LY86: variants seen among roughly 807,000 people sequenced by gnomAD.
The protein encoded by LY86 is lymphocyte antigen 86, also known as MD-1, RP105-associated.
LY86 carries 20 observed loss-of-function variants against 17.3 expected under a neutral mutation model. The observed-to-expected ratio is 1.15, with a 90% CI of 0.81 to 1.68. The LOEUF (loss-of-function observed/expected upper bound fraction) is 1.68. LY86 is among the 40% of genes most tolerant of loss of function. The pLI, the probability that LY86 is intolerant of heterozygous loss-of-function variation, is 0.00. For missense variants in LY86, 200 were observed against 191.9 expected, an observed-to-expected ratio of 1.04 and a Z score of -0.25; for synonymous variants, 74 against 70.6, an observed-to-expected ratio of 1.05 and a Z score of -0.24.
At chr6:6,645,950 A>AGGG (rs1762100989) in intron 3 of LY86, among the ~76,000 whole-genome samples, 1 of 152,124 alleles carries the variant, frequency 6.6e-6, no homozygotes. Flanking sequence ...CAGATTGGGA[A>AGGG]GGGGTCTCTT....
At chr6:6,648,103 C>A (rs10458190) in intron 3 of LY86, among the ~76,000 whole-genome samples, 2 of 151,518 alleles carry the variant, frequency 1.3e-5, no homozygotes, top group Non-Finnish European at 2.9e-5. Context: ...ACTCTCTATA[C>A]CCACTCATCA....
intron 1 of LY86, among the ~76,000 whole-genome samples, chr6:6,608,082 G>A (rs538129214): frequency 6.6e-6 from 1 of 152,252 alleles, no homozygotes; most frequent in South Asian, 2.1e-4. Context: ...TGAAACATTG[G>A]AAACGTTCCC....
rs2113117507 is a variant in LY86, at chr6:6,612,107, A to AT, written c.137-12817dup. 2.0e-5 allele frequency among the ~76,000 whole-genome samples: 3 copies of AT among 152,336 alleles called. No individual in the cohort carries two copies. The East Asian group carries it at 5.8e-4, about 29-fold the overall frequency. On this transcript the variant is annotated intron_variant, in intron 1 of 4. Transcript: ENST00000230568. The stretch of plus-strand genomic sequence containing the variant: ...TTTGAGAAGATCCAAAAGCAAGCTG[A>AT]TTATTTCCAAAAATCAGCTCAACAA...
intron 1 of LY86, among the ~76,000 whole-genome samples, chr6:6,605,660 T>C (rs893076439): frequency 6.6e-6 from 1 of 152,254 alleles, no homozygotes; most frequent in East Asian, 1.9e-4. Context: ...CTACTGTGTC[T>C]GGAATTGATG....
At chr6:6,637,408 A>G (rs1292849968) in intron 3 of LY86, among the ~76,000 whole-genome samples, 2 of 152,170 alleles carry the variant, frequency 1.3e-5, no homozygotes, top group African/African-American at 4.8e-5. Flanking sequence ...CTGCAACTGT[A>G]CTTTGACATC....
intron 1 of LY86, among the ~76,000 whole-genome samples, chr6:6,609,396 A>G (rs532769142): frequency 6.6e-6 from 1 of 152,368 alleles, no homozygotes; most frequent in East Asian, 1.9e-4. Flanking sequence ...CCCACTGGGT[A>G]TCCACTCTGC....
rs371304970 is a variant in LY86 at position 6,631,774 on chromosome 6, T to G, written c.352+5353T>G. Among the ~76,000 whole-genome samples the G allele has an allele frequency of 4.6e-5, 7 of 152,364 alleles. No homozygotes were observed. In the East Asian group the frequency reaches 5.8e-4, roughly 13 times the overall value. On this transcript the variant is annotated intron_variant, in intron 3 of 4. Transcript: ENST00000230568. ...TGTGGCAATTGCTCAACCCTTCCCT[T>G]GCAGAGATAATATGAAAATGAGTGG... is the stretch of plus-strand genomic sequence containing the variant.
intron 3 of LY86, among the ~76,000 whole-genome samples, chr6:6,630,361 C>G (rs78624149): frequency 6.6e-6 from 1 of 152,314 alleles, no homozygotes; most frequent in South Asian, 2.1e-4. Flanking sequence ...ACCCACAGCC[C>G]CATTTACTCA....
chr6:6,608,045 A>T (rs1581238035), intron 1 of LY86, among the ~76,000 whole-genome samples: 1 of 152,376 alleles, frequency 6.6e-6, no homozygotes, highest in African/African-American at 2.4e-5. Flanking sequence ...TAAAATATAG[A>T]TCTACAGTGA....
At chr6:6,644,922 A>G (rs992139117) in intron 3 of LY86, among the ~76,000 whole-genome samples, 3 of 152,188 alleles carry the variant, frequency 2.0e-5, no homozygotes, top group African/African-American at 7.2e-5. Flanking sequence ...AGACAATTTC[A>G]TGAGTTACTT....
At chr6:6,605,222 TAACA>T (rs540340385) in intron 1 of LY86, among the ~76,000 whole-genome samples, 109 of 152,348 alleles carry the variant, frequency 7.2e-4, no homozygotes, top group Middle Eastern at 3.4e-3. Context: ...TATTTCTGCA[TAACA>T]AATACCCTAA....
chr6:6,608,938 T>G (rs1310636339), intron 1 of LY86, among the ~76,000 whole-genome samples: 4 of 152,234 alleles, frequency 2.6e-5, no homozygotes, highest in African/African-American at 9.6e-5. Context: ...ATATAATTCT[T>G]TTTATATCTT....
chr6:6,651,191 A>T (rs1561794226), intron 4 of LY86, among the ~76,000 whole-genome samples: 1 of 152,184 alleles, frequency 6.6e-6, no homozygotes, highest in Non-Finnish European at 1.5e-5. Flanking sequence ...TGGGGGTGCA[A>T]TTACAAAAAT....
chr6:6,634,531 A>C (rs1299793675), intron 3 of LY86, among the ~76,000 whole-genome samples: 1 of 152,254 alleles, frequency 6.6e-6, no homozygotes, highest in African/African-American at 2.4e-5. Context: ...GATTTTATAC[A>C]TACAAATAAG....
intron 1 of LY86, among the ~76,000 whole-genome samples, chr6:6,612,195 G>A (rs4999004): frequency 0.23 from 34,952 of 152,102 alleles, 4,528 homozygotes; most frequent in Middle Eastern, 0.39. Context: ...CTTCAAGAAC[G>A]AAGCCACAGA....
Position 6,603,619 on chromosome 6 carries a change from C to CAAACAA in LY86, c.136+14752_136+14753insCAAAAA, listed in dbSNP as rs1561778070. Among the ~76,000 whole-genome samples the CAAACAA allele has an allele frequency of 2.5e-4, 30 of 117,672 alleles. 2 individuals carry two copies. The highest frequency in any genetic ancestry group is 7.7e-4 in the African/African-American group (25 of 32,490). The allele number at this position is 117,672 out of a possible 152,430, so 77.2% of individuals were successfully genotyped here. A position where few individuals can be genotyped will look rare whatever the true frequency, so the allele number is the denominator to read the frequency against. On this transcript the variant is annotated intron_variant, in intron 1 of 4. Transcript: ENST00000230568. The stretch of plus-strand genomic sequence containing the variant: ...AAACAGAAACAGAAAAAAAAACAAA[C>CAAACAA]AAAAAAAAACAAAACACACACACAC...
At chr6:6,626,498 G>A (rs2233126) in intron 3 of LY86, 77 bp downstream of exon 3, 20,983 of 1,526,452 alleles carry the variant, frequency 0.014, 170 homozygotes, top group Middle Eastern at 0.024. Context: ...AGGCCAGGAC[G>A]CCCAGACCAG....
intron 1 of LY86, among the ~76,000 whole-genome samples, chr6:6,606,591 G>A (rs1331432284): frequency 6.6e-6 from 1 of 152,198 alleles, no homozygotes; most frequent in Non-Finnish European, 1.5e-5. Flanking sequence ...CAGGCATGGC[G>A]GGCTGCAGGT....
chr6:6,637,004 G>GTTTTT (rs34996349), intron 3 of LY86, among the ~76,000 whole-genome samples: 5 of 109,856 alleles, frequency 4.6e-5, no homozygotes, highest in East Asian at 2.8e-4. Flanking sequence ...AAGCATATTG[G>GTTTTT]TTTTTTTTTT....
Sources: gnomAD v4.1 joint callset for allele counts (sites outside exome capture counted in the v4.1 genomes callset) on GRCh38, gnomAD v4.1.1 for gene constraint, MANE v1.5 for transcripts, NCBI Gene and HGNC (gene_info 2026-07-23, HGNC 2026-07-21) for gene names.